Variants in SPATA32 observed in about 807,000 individuals in gnomAD.
SPATA32 encodes spermatogenesis associated 32, also known as spermatogenesis-associated protein 32.
In SPATA32, 28 loss-of-function variants were observed where a neutral mutation model predicts 35.4. The ratio of observed to expected loss-of-function variants is 0.79; its 90% CI spans 0.59 to 1.09. The LOEUF (loss-of-function observed/expected upper bound fraction) is 1.09. Among genes scored for constraint, SPATA32 ranks in the 50% least tolerant of loss-of-function variants. SPATA32 has a pLI of 0.00. For synonymous variants in SPATA32, 168 were observed against 196.3 expected (o/e 0.86, Z 1.20); for missense variants, 409 against 475.9 (o/e 0.86, Z 1.31).
rs761777760 is a variant in SPATA32 at position 45,255,347 on chromosome 17, G to T, written c.835C>A (p.Pro279Thr). 2 of 1,614,202 alleles carry T rather than the reference G, an allele frequency of 1.2e-6. No homozygotes were observed. The highest frequency in any genetic ancestry group is 1.3e-5 in the African/African-American group (1 of 75,042). The change falls in exon 4 of 5, where the codon CCC (proline) becomes ACC (threonine). Residue 279 changes from proline to threonine, a missense_variant. Pro to Thr is a conservative substitution (Grantham distance 38). Transcript: ENST00000331780. The surrounding 1 kb of genome is among the most constrained non-coding windows in gnomAD (Gnocchi z 5.4). The part of the protein sequence containing the change: ...PQEALEPSTE[P>T]LLTTVEEREP... ...CGCTCCTCCACAGTGGTCAGGAGGG[G>T]CTCTGTGGAAGGCTCCAGAGCCTCC...
rs201383926 is a variant in SPATA32 at position 45,255,703 on chromosome 17, G to T, written c.479C>A (p.Ala160Glu). The change falls in exon 4 of 5, where the codon GCA (alanine) becomes GAA (glutamate). Residue 160 changes from alanine (A) to glutamate (E), a missense_variant. Physicochemically the swap from Ala to Glu is moderately radical, Grantham distance 107. Transcript: ENST00000331780. The surrounding 1 kb of genome is among the most constrained non-coding windows in gnomAD (Gnocchi z 5.4). ...SAQTSKHLFW[A>E]NKLIQASEHS... The stretch of plus-strand genomic sequence containing the variant: ...CTCTGAGGCCTGGATGAGCTTGTTT[G>T]CCCAGAAGAGGTGCTTGGAGGTCTG... The T allele has an allele frequency of 6.2e-7, 1 of 1,614,090 alleles. No individual in the cohort carries two copies. The highest frequency in any genetic ancestry group is 2.2e-5 in the East Asian group (1 of 44,884).
intron 1 of SPATA32, among the ~76,000 whole-genome samples, chr17:45,259,173 T>TA (rs1436766072): frequency 6.6e-6 from 1 of 152,204 alleles, no homozygotes. Context: ...ACAATCTCCA[T>TA]ACAATGTTGA....
Position 45,257,090 on chromosome 17 carries a change from G to T in SPATA32, c.68+63C>A, listed in dbSNP as rs1449258680. ...CTAGGCTGGGGGATCCTAGGCTGGG[G>T]GTGAGGTCGGAGGTCCTGGAGGGCT... On this transcript the variant is annotated intron_variant, in intron 2 of 4. Transcript: ENST00000331780. 3.2e-6 allele frequency: 5 copies of T among 1,558,772 alleles called. No homozygotes were observed. The African/African-American group carries it at 5.4e-5, about 17-fold the overall frequency.
In SPATA32 at chr17:45,258,935, C is replaced by T. The variant is rs549215365; in HGVS notation, c.14-1728G>A. Among the ~76,000 whole-genome samples the T allele has an allele frequency of 1.1e-4, 16 of 152,140 alleles. No homozygotes were observed. In the South Asian group the frequency reaches 2.9e-3, roughly 28 times the overall value. On this transcript the variant is annotated intron_variant, in intron 1 of 4. Transcript: ENST00000331780. ...ACAGGCATGAGCCACCGTGCCTGGC[C>T]GAAATAATTTCAATTTCCAGTGGTT...
intron 1 of SPATA32, among the ~76,000 whole-genome samples, chr17:45,257,674 T>C (rs1161923389): frequency 1.3e-5 from 2 of 152,114 alleles, no homozygotes; most frequent in Non-Finnish European, 2.9e-5. Context: ...ACCCTGTAAC[T>C]GCGTGGAGTC....
At chr17:45,254,615 T>G in intron 4 of SPATA32, 102 bp from the exon 5 acceptor site, 1 of 973,592 alleles carries the variant, frequency 1.0e-6, no homozygotes, top group Non-Finnish European at 1.6e-6. Flanking sequence ...GGGTAAGGGG[T>G]CTTCTGCTGC....
chr17:45,262,053 C>T lies in SPATA32; in HGVS notation c.-37G>A. On this transcript the variant is annotated 5_prime_UTR_variant, in exon 1 of 5. Transcript: ENST00000331780. ...CTCTGTCCTGGAGGCGGGGAGCGGG[C>T]TGGTGGATGCTGCCTCTCCGCCTCC... is the stretch of plus-strand genomic sequence containing the variant. 1 of 1,310,560 alleles carries T rather than the reference C, an allele frequency of 7.6e-7. No individual in the cohort carries two copies. The highest frequency in any genetic ancestry group is 9.8e-7 in the Non-Finnish European group (1 of 1,021,126). 81.2% of individuals were successfully genotyped at this position (1,310,560 alleles called of 1,614,324 possible).
chr17:45,255,067 G>A lies in SPATA32; in HGVS notation c.1067+48C>T, dbSNP rs745414200. 3.0e-5 allele frequency: 48 copies of A among 1,581,742 alleles called. No homozygotes were observed. The South Asian group carries it at 4.5e-4, about 15-fold the overall frequency. ...CCAGCTGTGTGAGGACCCCTGCCAC[G>A]TTCTAGCACAGCCCCTCTATGGGAG... On this transcript the variant is annotated intron_variant, in intron 4 of 4. Transcript: ENST00000331780. This position sits in a 1 kb window ranked among gnomAD's most constrained non-coding sequence, Gnocchi z 5.4.
chr17:45,256,177 C>T lies in SPATA32; in HGVS notation c.109-104G>A. On this transcript the variant is annotated intron_variant, in intron 3 of 4. Coordinates refer to ENST00000331780, the MANE Select transcript of SPATA32 (RefSeq NM_152343.3). The surrounding 1 kb of genome is among the most constrained non-coding windows in gnomAD (Gnocchi z 4.7). ...TGCCCCACCCCTGCCCTGGGTCCTG[C>T]TGTCTTCCCCCCGCCCCCTAACCCC... 2 of 1,364,486 alleles carry T rather than the reference C, an allele frequency of 1.5e-6. No individual in the cohort carries two copies. Among genetic ancestry groups the T allele is most frequent in the Non-Finnish European group, 2.0e-6 (2 of 981,312 alleles). 84.5% of individuals were successfully genotyped at this position (1,364,486 alleles called of 1,614,324 possible). A position where few individuals can be genotyped will look rare whatever the true frequency, so the allele number is the denominator to read the frequency against.
chr17:45,256,149 C>A lies in SPATA32; in HGVS notation c.109-76G>T. The A allele has an allele frequency of 6.8e-7, 1 of 1,478,956 alleles. No individual in the cohort carries two copies. The allele number at this position is 1,478,956 out of a possible 1,614,324, so 91.6% of individuals were successfully genotyped here. A position where few individuals can be genotyped will look rare whatever the true frequency, so the allele number is the denominator to read the frequency against. On this transcript the variant is annotated intron_variant, in intron 3 of 4. Coordinates refer to ENST00000331780, the MANE Select transcript of SPATA32 (RefSeq NM_152343.3). The surrounding 1 kb of genome is among the most constrained non-coding windows in gnomAD (Gnocchi z 4.7). Reference sequence around the variant, plus strand: ...CCTGAGGCCCTCCCTGGCACCGAGTCCCTGCCCCACCCCTGCCCTGGGTCC... The same window carrying A: ...CCTGAGGCCCTCCCTGGCACCGAGTACCTGCCCCACCCCTGCCCTGGGTCC...
chr17:45,261,921 GC>G, intron 1 of SPATA32, 82 bp downstream of exon 1: 1 of 1,255,820 alleles, frequency 8.0e-7, no homozygotes, highest in Non-Finnish European at 1.0e-6. Context: ...ATTCCTGACC[GC>G]CCCCTTCGCG....
At chr17:45,254,630 C>T (rs925439895) in intron 4 of SPATA32, 117 bp from the exon 5 acceptor site, 6 of 798,978 alleles carry the variant, frequency 7.5e-6, no homozygotes, top group Non-Finnish European at 1.1e-5. Flanking sequence ...TGCTGCTGCC[C>T]GCGTCTGGGC....
chr17:45,259,490 T>G (rs1192177493), intron 1 of SPATA32, among the ~76,000 whole-genome samples: 3 of 152,150 alleles, frequency 2.0e-5, no homozygotes, highest in African/African-American at 7.2e-5. Flanking sequence ...ATTATTTGAG[T>G]GATAATTCTT....
In SPATA32 at chr17:45,256,964, TAAA is replaced by T. The variant is rs2043963684; in HGVS notation, c.68+186_68+188del. Among the ~76,000 whole-genome samples, 1 of 152,162 alleles carries T rather than the reference TAAA, an allele frequency of 6.6e-6. No homozygotes were observed. Among genetic ancestry groups the T allele is most frequent in the African/African-American group, 2.4e-5 (1 of 41,430 alleles). On this transcript the variant is annotated intron_variant, in intron 2 of 4. Transcript: ENST00000331780. This position sits in a 1 kb window ranked among gnomAD's most constrained non-coding sequence, Gnocchi z 4.7. ...CCTCTCATGCCAGGGGCTGAGGGCA[TAAA>T]CAGAAGTGGGAGGATAGGCGCCCCA...
In SPATA32 at chr17:45,254,913, C is replaced by T. The variant is rs533161066; in HGVS notation, c.1067+202G>A. On this transcript the variant is annotated intron_variant, in intron 4 of 4. Coordinates refer to ENST00000331780, the MANE Select transcript of SPATA32 (RefSeq NM_152343.3). Reference sequence around the variant, plus strand: ...TGGTCCCCAGGCCTCCTCCAGCCCTCGCCTTGGCTCTGCGCCTCAGTCCAC... The same window carrying T: ...TGGTCCCCAGGCCTCCTCCAGCCCTTGCCTTGGCTCTGCGCCTCAGTCCAC... 614 of 620,732 alleles carry T rather than the reference C, an allele frequency of 9.9e-4. 6 individuals are homozygous for T. The South Asian group carries it at 0.012, about 12-fold the overall frequency. The allele number at this position is 620,732 out of a possible 1,614,324, so 38.5% of individuals were successfully genotyped here.
chr17:45,259,189 A>G (rs1426381402), intron 1 of SPATA32, among the ~76,000 whole-genome samples: 1 of 152,156 alleles, frequency 6.6e-6, no homozygotes, highest in African/African-American at 2.4e-5. Context: ...GTTGAGTAGG[A>G]GTGCGTGTGT....
chr17:45,257,241 G>C, intron 1 of SPATA32, 34 bp from the exon 2 acceptor site: 1 of 1,589,270 alleles, frequency 6.3e-7, no homozygotes. Flanking sequence ...GCAGGGAGCT[G>C]CAGGGTAGAG....
In SPATA32 at chr17:45,255,881, C is replaced by A. The variant is rs767563576; in HGVS notation, c.301G>T (p.Glu101Ter). The A allele has an allele frequency of 3.0e-5, 49 of 1,614,166 alleles. No individual in the cohort carries two copies. The highest frequency in any genetic ancestry group is 4.0e-5 in the Non-Finnish European group (47 of 1,180,034). ...ATCTTGCATACCAGCTGCATGGGTT[C>A]TTCAAAGTCAGACTCCTCGTTCGAG... ...ANSNEESDFE[E>*]PMQLVCKIES... is the part of the protein sequence containing the mutation. The change falls in exon 4 of 5, where the codon GAA becomes TAA. Residue 101 changes from glutamate (E) to a stop codon, truncating the protein, a stop_gained. Coordinates refer to ENST00000331780, the MANE Select transcript of SPATA32 (RefSeq NM_152343.3). LOFTEE classifies it high-confidence loss of function. This position sits in a 1 kb window ranked among gnomAD's most constrained non-coding sequence, Gnocchi z 5.4.
rs1449313791 is a variant in SPATA32 at position 45,262,056 on chromosome 17, G to C, written c.-40C>G. On this transcript the variant is annotated 5_prime_UTR_variant, in exon 1 of 5. Transcript: ENST00000331780. Reference sequence around the variant, plus strand: ...TGTCCTGGAGGCGGGGAGCGGGCTGGTGGATGCTGCCTCTCCGCCTCCAGT... The same window carrying C: ...TGTCCTGGAGGCGGGGAGCGGGCTGCTGGATGCTGCCTCTCCGCCTCCAGT... 2.3e-6 allele frequency: 3 copies of C among 1,310,526 alleles called. No individual in the cohort carries two copies. Among genetic ancestry groups the C allele is most frequent in the Non-Finnish European group, 2.9e-6 (3 of 1,021,152 alleles). The allele number at this position is 1,310,526 out of a possible 1,614,324, so 81.2% of individuals were successfully genotyped here. A position where few individuals can be genotyped will look rare whatever the true frequency, so the allele number is the denominator to read the frequency against.
Sources: gnomAD v4.1 joint callset for allele counts (sites outside exome capture counted in the v4.1 genomes callset) on GRCh38, gnomAD v4.1.1 for gene constraint, Gnocchi (gnomAD v3.1) non-coding constraint, MANE v1.5 for transcripts, NCBI Gene and HGNC (gene_info 2026-07-23, HGNC 2026-07-21) for gene names.